Variants in SEMA3A observed in about 807,000 individuals in gnomAD.
SEMA3A encodes the protein semaphorin 3A.
Under a neutral mutation model 97.9 loss-of-function variants are expected in SEMA3A, and 29 were observed. The observed-to-expected ratio is 0.30, with a 90% confidence interval of 0.22 to 0.40. The LOEUF (loss-of-function observed/expected upper bound fraction) is 0.40. Among genes scored for constraint, SEMA3A ranks in the 10% least tolerant of loss-of-function variants. The pLI is 1.00. For synonymous variants in SEMA3A, 321 were observed against 323.7 expected (o/e 0.99, Z 0.09); for missense variants, 763 against 951.3 (o/e 0.80, Z 2.60).
chr7:84,362,620 G>A (rs911951524), intron 2 of SEMA3A, among the ~76,000 whole-genome samples: 3 of 151,772 alleles, frequency 2.0e-5, no homozygotes, highest in Non-Finnish European at 4.4e-5. Context: ...GTTTGATATG[G>A]TTCAGAACAT....
At chr7:84,209,932 G>C (rs1798585463) in intron 3 of SEMA3A, among the ~76,000 whole-genome samples, 1 of 151,944 alleles carries the variant, frequency 6.6e-6, no homozygotes, top group Non-Finnish European at 1.5e-5. Context: ...GTTTCTGGAG[G>C]GTGTCTACCA....
chr7:84,149,337 C>T (rs996342352), intron 1 of SEMA3A, among the ~76,000 whole-genome samples: 1 of 152,140 alleles, frequency 6.6e-6, no homozygotes, highest in African/African-American at 2.4e-5. Flanking sequence ...ACAATTGGGT[C>T]ATATTTAGAA....
chr7:84,050,768 A>G (rs2115614478), intron 5 of SEMA3A, among the ~76,000 whole-genome samples: 1 of 152,166 alleles, frequency 6.6e-6, no homozygotes, highest in Non-Finnish European at 1.5e-5. Flanking sequence ...GGTGTTTTAG[A>G]CATGAAGTCC....
At chr7:84,021,508 T>C (rs1438183990) in intron 6 of SEMA3A, among the ~76,000 whole-genome samples, 4 of 152,220 alleles carry the variant, frequency 2.6e-5, no homozygotes, top group African/African-American at 9.6e-5. Flanking sequence ...CTCTGTTTTT[T>C]CCCTGCCTCC....
At chr7:84,200,785 TGG>T (rs35512031) in intron 3 of SEMA3A, among the ~76,000 whole-genome samples, 6 of 130,652 alleles carry the variant, frequency 4.6e-5, no homozygotes, top group Non-Finnish European at 6.5e-5. Context: ...TGAAAATACC[TGG>T]GTTTTTTTTC....
At chr7:84,421,659 T>C (rs747995969) in intron 1 of SEMA3A, among the ~76,000 whole-genome samples, 11 of 152,116 alleles carry the variant, frequency 7.2e-5, no homozygotes, top group African/African-American at 2.7e-4. Flanking sequence ...TGGTTTGTCA[T>C]AAATAGCTCT....
chr7:84,424,574 T>C (rs1309394209), intron 1 of SEMA3A, among the ~76,000 whole-genome samples: 2 of 74,012 alleles, frequency 2.7e-5, no homozygotes, highest in South Asian at 3.9e-4. Flanking sequence ...ATATAAATAT[T>C]AATATATATT....
At chr7:84,025,340 C>T (rs1273873198) in intron 6 of SEMA3A, among the ~76,000 whole-genome samples, 1 of 152,110 alleles carries the variant, frequency 6.6e-6, no homozygotes, top group Non-Finnish European at 1.5e-5. Context: ...CAGATGACTG[C>T]CAGCACACCA....
intron 3 of SEMA3A, among the ~76,000 whole-genome samples, chr7:84,293,021 C>G (rs1800788309): frequency 1.3e-5 from 2 of 151,932 alleles, no homozygotes; most frequent in African/African-American, 2.4e-5. Flanking sequence ...AAAAACAGTT[C>G]TAGCAAAATT....
intron 1 of SEMA3A, among the ~76,000 whole-genome samples, chr7:84,156,032 T>G (rs2116144892): frequency 6.6e-6 from 1 of 152,266 alleles, no homozygotes; most frequent in Middle Eastern, 3.4e-3. Flanking sequence ...TTTAAAGCCC[T>G]TTTTCTGAGT....
chr7:84,078,108 T>G (rs1794015406), intron 4 of SEMA3A, among the ~76,000 whole-genome samples: 1 of 152,056 alleles, frequency 6.6e-6, no homozygotes, highest in Non-Finnish European at 1.5e-5. Flanking sequence ...ATTTGGGAAT[T>G]TATTCTATTT....
chr7:84,375,124 A>G (rs1314965580), intron 1 of SEMA3A, among the ~76,000 whole-genome samples: 1 of 152,068 alleles, frequency 6.6e-6, no homozygotes, highest in Non-Finnish European at 1.5e-5. Flanking sequence ...GGTTCAAGCT[A>G]TTCTCCTGCC....
intron 14 of SEMA3A, among the ~76,000 whole-genome samples, chr7:83,978,717 G>A (rs1789270738): frequency 6.6e-6 from 1 of 152,162 alleles, no homozygotes; most frequent in Admixed American, 6.5e-5. Context: ...TCAAAATTGA[G>A]CCAACAAGAG....
At chr7:83,978,649 G>A (rs1452391516) in intron 14 of SEMA3A, among the ~76,000 whole-genome samples, 1 of 152,180 alleles carries the variant, frequency 6.6e-6, no homozygotes, top group Non-Finnish European at 1.5e-5. Context: ...GAAGTCTAAA[G>A]TATTTATAGA....
At chr7:84,009,285 T>G (rs577530067) in intron 9 of SEMA3A, among the ~76,000 whole-genome samples, 48 of 152,340 alleles carry the variant, frequency 3.2e-4, no homozygotes, top group African/African-American at 1.1e-3. Flanking sequence ...TTCATATTTG[T>G]CTGAGTCTCT....
chr7:84,236,510 T>G (rs1403495164), intron 3 of SEMA3A, among the ~76,000 whole-genome samples: 1 of 152,142 alleles, frequency 6.6e-6, no homozygotes, highest in Non-Finnish European at 1.5e-5. Context: ...AGTTTGGCAT[T>G]TCAGGCCCTT....
rs977792401 is a variant in SEMA3A, at chr7:83,960,472, T to C, written c.*899A>G. On this transcript the variant is annotated 3_prime_UTR_variant, in exon 17 of 17. Transcript: ENST00000265362. ...GGAGGTGTGAACAGCTTCCATTTGT[T>C]TGATTTTCTCAGAGAAATAAAGCAT... The C allele has an allele frequency of 6.6e-6, 1 of 152,386 alleles. No individual in the cohort carries two copies. Among genetic ancestry groups the C allele is most frequent in the Non-Finnish European group, 1.5e-5 (1 of 67,936 alleles). The allele number at this position is 152,386 out of a possible 1,614,324, so 9.4% of individuals were successfully genotyped here.
chr7:84,302,256 T>A (rs1801036789), intron 3 of SEMA3A, among the ~76,000 whole-genome samples: 1 of 152,152 alleles, frequency 6.6e-6, no homozygotes, highest in Non-Finnish European at 1.5e-5. Flanking sequence ...GGAATAATTT[T>A]TCCTGTGTGA....
intron 4 of SEMA3A, among the ~76,000 whole-genome samples, chr7:84,106,571 A>T: frequency 6.6e-6 from 1 of 152,180 alleles, no homozygotes; most frequent in Non-Finnish European, 1.5e-5. Flanking sequence ...AAAGAGGTCT[A>T]TTTTCATAAC....
Sources: allele counts gnomAD v4.1 joint callset (sites outside exome capture counted in the v4.1 genomes callset), GRCh38; gene constraint gnomAD v4.1.1; transcripts MANE v1.5; gene names NCBI Gene and HGNC (gene_info 2026-07-23, HGNC 2026-07-21).